The following TBC1D5 variants were observed in gnomAD, a reference collection of about 807,000 sequenced individuals.
The protein encoded by TBC1D5 is TBC1 domain family member 5, also known as TBC1 domain family, member 5.
A neutral mutation model predicts 100.3 loss-of-function variants in TBC1D5; 75 were observed. That is an observed-to-expected ratio of 0.75 (90% CI 0.62 to 0.91). The LOEUF (loss-of-function observed/expected upper bound fraction) is 0.91. Ranked by LOEUF, TBC1D5 falls within the 40% of genes least tolerant of loss-of-function variation. TBC1D5 has a pLI of 0.00. For missense variants in TBC1D5, 910 were observed against 942.4 expected (o/e 0.97, Z 0.45); for synonymous variants, 323 against 325.6 (o/e 0.99, Z 0.09).
chr3:17,289,593 C>G (rs1430940942), intron 15 of TBC1D5, among the ~76,000 whole-genome samples: 1 of 151,476 alleles, frequency 6.6e-6, no homozygotes, highest in African/African-American at 2.4e-5. Context: ...GAGACCACAC[C>G]TCTGCACTCC....
At chr3:17,374,967 T>C (rs1267878510) in intron 10 of TBC1D5, among the ~76,000 whole-genome samples, 3 of 152,192 alleles carry the variant, frequency 2.0e-5, no homozygotes, top group Non-Finnish European at 4.4e-5. Context: ...TCATCTAGAA[T>C]AATCAATTAA....
At chr3:17,205,340 C>T (rs778034004) in intron 18 of TBC1D5, among the ~76,000 whole-genome samples, 68 of 152,234 alleles carry the variant, frequency 4.5e-4, no homozygotes, top group Non-Finnish European at 8.5e-4. Flanking sequence ...TTCCACATAA[C>T]ATGTTTTCCT....
intron 1 of TBC1D5, among the ~76,000 whole-genome samples, chr3:17,647,360 A>G (rs2065106251): frequency 6.6e-6 from 1 of 152,116 alleles, no homozygotes; most frequent in Admixed American, 6.6e-5. Context: ...ATATACACAA[A>G]CTCAGAAATT....
intron 18 of TBC1D5, 38 bp from the exon 20 acceptor site, chr3:17,185,246 G>T: frequency 6.4e-7 from 1 of 1,560,434 alleles, no homozygotes; most frequent in Non-Finnish European, 8.8e-7. Flanking sequence ...ATTTTTTAGA[G>T]ATTGTCAAAT....
At chr3:17,454,935 A>G (rs1026195437) in intron 3 of TBC1D5, among the ~76,000 whole-genome samples, 2 of 151,806 alleles carry the variant, frequency 1.3e-5, no homozygotes, top group African/African-American at 4.8e-5. Flanking sequence ...TGAAGAGGAC[A>G]ACAACAACAA....
chr3:17,273,583 G>C (rs905971873), intron 15 of TBC1D5, among the ~76,000 whole-genome samples: 3 of 152,094 alleles, frequency 2.0e-5, no homozygotes, highest in East Asian at 1.9e-4. Flanking sequence ...AAGATGAGTG[G>C]ATCACCTGAG....
intron 1 of TBC1D5, among the ~76,000 whole-genome samples, chr3:17,665,699 T>G (rs573382490): frequency 2.0e-5 from 3 of 152,326 alleles, no homozygotes; most frequent in African/African-American, 7.2e-5. Flanking sequence ...GGTTCTTTGT[T>G]CCTAAGATAA....
chr3:17,478,919 C>T (rs115252408), intron 3 of TBC1D5, among the ~76,000 whole-genome samples: 2,300 of 152,266 alleles, frequency 0.015, 21 homozygotes, highest in Non-Finnish European at 0.024. Context: ...AAGAGAATTA[C>T]TCAACTTGCT....
chr3:17,537,508 G>A (rs992359524), intron 2 of TBC1D5, among the ~76,000 whole-genome samples: 1 of 152,050 alleles, frequency 6.6e-6, no homozygotes, highest in African/African-American at 2.4e-5. Flanking sequence ...TCTGTCAGTT[G>A]GGGGGCTCAG....
Position 17,262,463 on chromosome 3 carries a change from C to T in TBC1D5, c.1246-3872G>A, listed in dbSNP as rs1401807974. Among the ~76,000 whole-genome samples the T allele has an allele frequency of 2.7e-5, 4 of 149,716 alleles. No homozygotes were observed. The East Asian group carries it at 7.8e-4, about 29-fold the overall frequency. On this transcript the variant is annotated intron_variant, in intron 15 of 21. Coordinates refer to ENST00000253692, the Ensembl canonical transcript of TBC1D5. ...CAGTCGGGACTTCAACTATCATGAGCATTTCCAAAACAATGTTTTTTTTTT... is the reference window on the plus strand; with the variant it reads ...CAGTCGGGACTTCAACTATCATGAGTATTTCCAAAACAATGTTTTTTTTTT...
At chr3:17,713,037 CCT>C (rs1322999259) in intron 1 of TBC1D5, among the ~76,000 whole-genome samples, 1 of 152,096 alleles carries the variant, frequency 6.6e-6, no homozygotes, top group Non-Finnish European at 1.5e-5. Flanking sequence ...CTGACTTAAA[CCT>C]CTCTCTTTAC....
chr3:17,303,833 CTTTTTT>C (rs140988557), intron 14 of TBC1D5, among the ~76,000 whole-genome samples: 53 of 84,522 alleles, frequency 6.3e-4, no homozygotes, highest in East Asian at 6.0e-3. Flanking sequence ...CAATCTACCT[CTTTTTT>C]TTTTTTTTTT....
intron 8 of TBC1D5, among the ~76,000 whole-genome samples, chr3:17,396,666 T>C (rs940944558): frequency 6.6e-6 from 1 of 152,034 alleles, no homozygotes; most frequent in Non-Finnish European, 1.5e-5. Context: ...ACTAATCTAG[T>C]TTCCATCCAC....
chr3:17,203,327 T>C (rs893186321), intron 18 of TBC1D5, among the ~76,000 whole-genome samples: 1 of 152,224 alleles, frequency 6.6e-6, no homozygotes, highest in Admixed American at 6.5e-5. Flanking sequence ...AGTACCCCAC[T>C]GTATCTTGGA....
rs1235475768 is a variant in TBC1D5, at chr3:17,233,657, A to T, written c.1588+4506T>A. 15 of 1,379,940 alleles carry T rather than the reference A, an allele frequency of 1.1e-5. No individual in the cohort carries two copies. The East Asian group carries it at 3.8e-4, about 35-fold the overall frequency. The allele number at this position is 1,379,940 out of a possible 1,614,324, so 85.5% of individuals were successfully genotyped here. On this transcript the variant is annotated intron_variant, in intron 17 of 21. Transcript: ENST00000253692. ...GATAATACTGTAGGCAAAGAAAAAGAAACACTATGTTGTTATGGTAACTGT... is the reference window on the plus strand; with the variant it reads ...GATAATACTGTAGGCAAAGAAAAAGTAACACTATGTTGTTATGGTAACTGT...
intron 18 of TBC1D5, among the ~76,000 whole-genome samples, chr3:17,194,346 G>A (rs1268811979): frequency 1.3e-5 from 2 of 152,264 alleles, no homozygotes; most frequent in South Asian, 2.1e-4. Context: ...AGGATGCAGC[G>A]GGGAGAGAAG....
intron 2 of TBC1D5, among the ~76,000 whole-genome samples, chr3:17,609,054 T>G (rs2061511354): frequency 6.6e-6 from 1 of 152,212 alleles, no homozygotes; most frequent in Admixed American, 6.5e-5. Context: ...TTTTACAACA[T>G]GCTTTCAGAA....
At chr3:17,574,376 A>G (rs1014506583) in intron 2 of TBC1D5, among the ~76,000 whole-genome samples, 4 of 152,014 alleles carry the variant, frequency 2.6e-5, no homozygotes, top group African/African-American at 9.7e-5. Flanking sequence ...ACAGGGCACC[A>G]TTGCAGCTTC....
At chr3:17,453,023 A>G (rs2094962848) in intron 3 of TBC1D5, among the ~76,000 whole-genome samples, 1 of 151,970 alleles carries the variant, frequency 6.6e-6, no homozygotes, top group African/African-American at 2.4e-5. Context: ...AAAACTATGC[A>G]AACACATGGA....
Sources: allele counts gnomAD v4.1 joint callset (sites outside exome capture counted in the v4.1 genomes callset), GRCh38; gene constraint gnomAD v4.1.1; transcripts MANE v1.5; gene names NCBI Gene and HGNC (gene_info 2026-07-23, HGNC 2026-07-21).